Variants in SEC16A observed in about 807,000 individuals in gnomAD.
SEC16A encodes protein transport protein Sec16A.
SEC16A carries 110 observed loss-of-function variants against 221.9 expected under a neutral mutation model. The observed-to-expected ratio is 0.50, with a 90% confidence interval of 0.42 to 0.58. The LOEUF is 0.58. Among genes scored for constraint, SEC16A ranks in the 20% least tolerant of loss-of-function variants. SEC16A has a pLI of 0.00. For synonymous variants in SEC16A, 1,393 were observed against 1,257.7 expected (o/e 1.11, Z -2.28); for missense variants, 3,165 against 3,097.8 (o/e 1.02, Z -0.52).
In SEC16A at chr9:136,460,041, C is replaced by G. The variant is rs1485543745; in HGVS notation, c.5073+1G>C. On this transcript the variant is annotated splice_donor_variant, in intron 14 of 31. Coordinates refer to ENST00000684901, the MANE Select transcript of SEC16A (RefSeq NM_014866.2). LOFTEE classifies it high-confidence loss of function. ...GCAAGCCACCAGGCAGTGCCACTCA[C>G]CGTGGACGCGGCAGGCATCCGTCCG... 1 of 1,600,852 alleles carries G rather than the reference C, an allele frequency of 6.2e-7. No homozygotes were observed. Among genetic ancestry groups the G allele is most frequent in the Admixed American group, 1.7e-5 (1 of 57,932 alleles).
In SEC16A at chr9:136,447,710, C is replaced by G. The variant is rs745748831; in HGVS notation, c.6448-30G>C. 6.3e-7 allele frequency: 1 copy of G among 1,578,614 alleles called. No homozygotes were observed. The highest frequency in any genetic ancestry group is 8.7e-7 in the Non-Finnish European group (1 of 1,151,742). On this transcript the variant is annotated intron_variant, in intron 25 of 31. Transcript: ENST00000684901. The surrounding 1 kb of genome is among the most constrained non-coding windows in gnomAD (Gnocchi z 5.5). ...AGAGGGAAACACAGCTTCAGACACC[C>G]ACTGTGTGCACAGAAACCCACTGGG...
chr9:136,474,550 A>T lies in SEC16A; in HGVS notation c.3066T>A (p.Ser1022Arg), dbSNP rs73670287. 1.8e-3 allele frequency: 2,967 copies of T among 1,612,916 alleles called. 39 individuals are homozygous for T. The African/African-American group carries it at 0.035, about 19-fold the overall frequency. ...CAGATTGTCTGGGATGACTGGCAAC[A>T]CTTTGCTGAGAAGCGAGGCTGTCAG... is the stretch of plus-strand genomic sequence containing the variant. Reference protein sequence around the residue: ...SHSDSLASQQSVASHPRQSGP... With the variant: ...SHSDSLASQQRVASHPRQSGP... The change falls in exon 3 of 32, where the codon AGT becomes AGA. Residue 1022 changes from serine to arginine, a missense_variant. By Grantham distance (110) the Ser-to-Arg change is moderately radical (BLOSUM62 -1). Transcript: ENST00000684901.
chr9:136,459,723 C>T lies in SEC16A; in HGVS notation c.5191+34G>A, dbSNP rs370255479. On this transcript the variant is annotated intron_variant, in intron 15 of 31. Coordinates refer to ENST00000684901, the MANE Select transcript of SEC16A (RefSeq NM_014866.2). This position sits in a 1 kb window ranked among gnomAD's most constrained non-coding sequence, Gnocchi z 6.1. Reference sequence around the variant, plus strand: ...AACCGGGCCTTCGGCGCTCCATCCGCGACACCCAATGCCCATCTCCACCCC... The same window carrying T: ...AACCGGGCCTTCGGCGCTCCATCCGTGACACCCAATGCCCATCTCCACCCC... The T allele has an allele frequency of 7.0e-5, 108 of 1,535,048 alleles. No homozygotes were observed. In the African/African-American group the frequency reaches 1.0e-3, roughly 14 times the overall value.
intron 2 of SEC16A, 137 bp from the exon 3 acceptor site, chr9:136,477,821 C>T (rs1243472788): frequency 7.1e-6 from 6 of 841,390 alleles, no homozygotes; most frequent in African/African-American, 3.4e-5. Context: ...CTCTCCCCTA[C>T]ACCCCACCCC....
intron 19 of SEC16A, 55 bp downstream of exon 19, chr9:136,455,996 CAG>C: frequency 7.1e-7 from 1 of 1,410,624 alleles, no homozygotes; most frequent in Non-Finnish European, 9.9e-7. Context: ...GTGGAAATGA[CAG>C]GGACAGAAGC....
In SEC16A at chr9:136,475,591, A is replaced by C. The variant is rs1841516397; in HGVS notation, c.2025T>G (p.Cys675Trp). The change falls in exon 3 of 32, where the codon TGT (cysteine) becomes TGG (tryptophan). Residue 675 changes from cysteine (C) to tryptophan (W), a missense_variant. Cys to Trp is a radical substitution (Grantham distance 215). Transcript: ENST00000684901. The surrounding 1 kb of genome is among the most constrained non-coding windows in gnomAD (Gnocchi z 5.0). ...NMETLCAPQV[C>W]PLPLNSTTEA... ...CCGTGGTGGAGTTAAGAGGCAGGGG[A>C]CAGACCTGGGGTGCACAGAGGGTCT... is the stretch of plus-strand genomic sequence containing the variant. 2 of 1,613,402 alleles carry C rather than the reference A, an allele frequency of 1.2e-6. No individual in the cohort carries two copies. The highest frequency in any genetic ancestry group is 2.7e-5 in the African/African-American group (2 of 74,878).
chr9:136,445,045 C>T lies in SEC16A; in HGVS notation c.6927+7G>A, dbSNP rs1239716772. 1.2e-6 allele frequency: 2 copies of T among 1,604,016 alleles called. No individual in the cohort carries two copies. The highest frequency in any genetic ancestry group is 1.7e-6 in the Non-Finnish European group (2 of 1,175,622). On this transcript the variant is annotated splice_region_variant and intron_variant, in intron 30 of 31. Coordinates refer to ENST00000684901, the MANE Select transcript of SEC16A (RefSeq NM_014866.2). ...TCATGTTAGTGAGGACCACCAGCCG[C>T]AGGTACCTGATTAAAATGCTGGCTC...
rs925488738 is a variant in SEC16A at position 136,482,930 on chromosome 9, C to G, written c.-192+8G>C. 7 of 973,334 alleles carry G rather than the reference C, an allele frequency of 7.2e-6. No homozygotes were observed. In the Admixed American group the frequency reaches 4.3e-4, roughly 60 times the overall value. The allele number at this position is 973,334 out of a possible 1,614,324, so 60.3% of individuals were successfully genotyped here. ...CGCTCGCCCCCTCACCCGCGCTCGC[C>G]CCCTCACCCGCGCGGCTGAGACCGA... On this transcript the variant is annotated splice_region_variant and intron_variant, in intron 1 of 31. Transcript: ENST00000684901.
rs969871585 is a variant in SEC16A at position 136,476,918 on chromosome 9, G to C, written c.698C>G (p.Pro233Arg). 1.2e-6 allele frequency: 2 copies of C among 1,611,968 alleles called. No homozygotes were observed. The highest frequency in any genetic ancestry group is 2.7e-5 in the African/African-American group (2 of 75,052). The change falls in exon 3 of 32, where the codon CCT becomes CGT. Residue 233 changes from proline to arginine, a missense_variant. Pro to Arg is a moderately radical substitution (Grantham distance 103). Coordinates refer to ENST00000684901, the MANE Select transcript of SEC16A (RefSeq NM_014866.2). ...QPSGQHRSPC[P>R]EGPVPSGVPC... The stretch of plus-strand genomic sequence containing the variant: ...CACCCCGCTGGGAACAGGTCCTTCA[G>C]GGCAGGGTGAACGATGTTGCCCCGA...
At chr9:136,452,000 G>A (rs927532966) in intron 22 of SEC16A, among the ~76,000 whole-genome samples, 1 of 152,190 alleles carries the variant, frequency 6.6e-6, no homozygotes, top group African/African-American at 2.4e-5. Context: ...TCCTGGTTAG[G>A]AGTAGAGCAA....
Position 136,454,193 on chromosome 9 carries a change from G to A in SEC16A, c.5992C>T (p.Pro1998Ser), listed in dbSNP as rs1258021834. ...TPGPALGFLE[P>S]SGPGLPPGVP... is the part of the protein sequence containing the mutation. ...CCAGGTGGGAGGCCAGGCCCGGAGG[G>A]CTCCAGGAAGCCAAGTGCAGGCCCT... The change falls in exon 21 of 32, where the codon CCC becomes TCC. Residue 1998 changes from proline to serine, a missense_variant. Around this residue, in one of 3 missense-constraint regions of SEC16A, gnomAD observed 1,088 missense variants for 1,089.6 expected, o/e 1.00. Transcript: ENST00000684901. 6.4e-7 allele frequency: 1 copy of A among 1,561,606 alleles called. No homozygotes were observed. The highest frequency in any genetic ancestry group is 1.4e-5 in the African/African-American group (1 of 73,816).
At position 136,440,465 on chromosome 9, in the gene SEC16A, T is replaced by G. The variant is rs532623030; in HGVS notation, c.*1290A>C. The G allele has an allele frequency of 6.6e-6, 1 of 152,610 alleles. No homozygotes were observed. Among genetic ancestry groups the G allele is most frequent in the Non-Finnish European group, 1.5e-5 (1 of 68,046 alleles). The allele number at this position is 152,610 out of a possible 1,614,324, so 9.5% of individuals were successfully genotyped here. A position where few individuals can be genotyped will look rare whatever the true frequency, so the allele number is the denominator to read the frequency against. ...ATTCCACATTCTACAATTTCTACAC[T>G]TAAATTTAAAACACCAAACAGTTTG... is the stretch of plus-strand genomic sequence containing the variant. On this transcript the variant is annotated 3_prime_UTR_variant, in exon 32 of 32. Transcript: ENST00000684901.
chr9:136,443,918 G>A lies in SEC16A; in HGVS notation c.6928-18C>T. On this transcript the variant is annotated intron_variant, in intron 30 of 31. Coordinates refer to ENST00000684901, the MANE Select transcript of SEC16A (RefSeq NM_014866.2). ...CCAGGAGCCTGAGAAGCACAGAGAAGTCACCTCAGCAGGGCTGCGCTGCAC... is the reference window on the plus strand; with the variant it reads ...CCAGGAGCCTGAGAAGCACAGAGAAATCACCTCAGCAGGGCTGCGCTGCAC... The A allele has an allele frequency of 6.2e-7, 1 of 1,600,444 alleles. No homozygotes were observed. Among genetic ancestry groups the A allele is most frequent in the Non-Finnish European group, 8.5e-7 (1 of 1,172,522 alleles).
rs758920577 is a variant in SEC16A at position 136,476,059 on chromosome 9, G to A, written c.1557C>T (p.Asp519=). Residue 519 remains aspartate, a synonymous_variant, in exon 3 of 32, where the codon GAC becomes GAT. Transcript: ENST00000684901. ...PDATLHTVHP[D]SVSSSYSSRS... ...TGCTGCTATAGCTGGATGACACGCT[G>A]TCAGGGTGCACTGTATGCAGTGTGG... The A allele has an allele frequency of 3.7e-6, 6 of 1,613,556 alleles. No individual in the cohort carries two copies. The South Asian group carries it at 6.6e-5, about 18-fold the overall frequency.
At chr9:136,446,544 T>G (rs931888581) in intron 28 of SEC16A, among the ~76,000 whole-genome samples, 2 of 152,194 alleles carry the variant, frequency 1.3e-5, no homozygotes, top group African/African-American at 4.8e-5. Context: ...TTTTCCAATT[T>G]TAAAAATTGT....
intron 8 of SEC16A, 135 bp from the exon 9 acceptor site, chr9:136,464,697 A>G: frequency 2.7e-6 from 2 of 749,860 alleles, no homozygotes; most frequent in Non-Finnish European, 4.3e-6. Flanking sequence ...AAAAGTCGGT[A>G]ATTGTTTAAT....
intron 30 of SEC16A, 134 bp from the exon 31 acceptor site, chr9:136,444,034 A>G: frequency 1.7e-6 from 1 of 576,462 alleles, no homozygotes; most frequent in African/African-American, 1.9e-5. Context: ...GATCCAAGAC[A>G]CTTCTTGCAA....
rs543708424 is a variant in SEC16A at position 136,469,703 on chromosome 9, T to C, written c.3705-1191A>G. 5.3e-5 allele frequency among the ~76,000 whole-genome samples: 8 copies of C among 152,304 alleles called. No homozygotes were observed. The South Asian group carries it at 1.7e-3, about 32-fold the overall frequency. On this transcript the variant is annotated intron_variant, in intron 4 of 31. Coordinates refer to ENST00000684901, the MANE Select transcript of SEC16A (RefSeq NM_014866.2). ...ATGTAAGAGCATTTTATAATTTTCA[T>C]ACAATATTTAATTTTTAAAACGTGA...
In SEC16A at chr9:136,460,072, G is replaced by A; in HGVS notation, c.5043C>T (p.Leu1681=). Residue 1681 remains leucine (L), a synonymous_variant, in exon 14 of 32, where the codon CTC becomes CTT. Transcript: ENST00000684901. ...INDPLQTVYQ[L]MSGRMPAAST... is the part of the protein sequence containing the mutation. ...ACGCGGCAGGCATCCGTCCGGACAT[G>A]AGCTGGTAGACTGTCTGCAGAGGGT... The A allele has an allele frequency of 3.1e-6, 5 of 1,607,066 alleles. No homozygotes were observed. Among genetic ancestry groups the A allele is most frequent in the Non-Finnish European group, 4.2e-6 (5 of 1,176,826 alleles).
Sources: allele counts gnomAD v4.1 joint callset (sites outside exome capture counted in the v4.1 genomes callset), GRCh38; gene constraint gnomAD v4.1.1; regional missense constraint gnomAD v4.1.1; non-coding constraint Gnocchi (gnomAD v3.1); transcripts MANE v1.5; gene names NCBI Gene and HGNC (gene_info 2026-07-23, HGNC 2026-07-21).